The following ENPP2 variants were observed in gnomAD, a reference collection of about 807,000 sequenced individuals.
ENPP2 encodes the protein autotaxin.
In ENPP2, 51 loss-of-function variants were observed where a neutral mutation model predicts 120.2. The ratio of observed to expected loss-of-function variants is 0.42; its 90% confidence interval spans 0.34 to 0.54. ENPP2 has a LOEUF of 0.54. Among genes scored for constraint, ENPP2 ranks in the 20% least tolerant of loss-of-function variants. The pLI, the probability that ENPP2 is intolerant of heterozygous loss-of-function variation, is 0.04. For missense variants in ENPP2, 920 were observed against 1,066.5 expected, an observed-to-expected ratio of 0.86 and a Z score of 1.91; for synonymous variants, 365 against 366.4, an observed-to-expected ratio of 1.00 and a Z score of 0.04.
At chr8:119,582,350 G>A (rs1026195315) in intron 18 of ENPP2, 68 bp downstream of exon 18, 5 of 1,241,936 alleles carry the variant, frequency 4.0e-6, no homozygotes, top group Non-Finnish European at 5.8e-6. Context: ...GTCACAGAAA[G>A]TTCTATGGGC....
chr8:119,660,705 G>A (rs537437861), intron 1 of ENPP2, among the ~76,000 whole-genome samples: 2 of 152,282 alleles, frequency 1.3e-5, no homozygotes, highest in South Asian at 4.1e-4. Flanking sequence ...AGAGTTTTGA[G>A]CAGTTGTAGG....
chr8:119,599,732 G>T (rs2130543822), intron 11 of ENPP2, among the ~76,000 whole-genome samples: 1 of 152,308 alleles, frequency 6.6e-6, no homozygotes, highest in East Asian at 1.9e-4. Flanking sequence ...TCAGCTGGGT[G>T]TGGTGGCTCA....
At chr8:119,638,590 A>G (rs1817150100) in intron 1 of ENPP2, 63 bp from the exon 2 acceptor site, 2 of 1,108,236 alleles carry the variant, frequency 1.8e-6, no homozygotes, top group South Asian at 1.2e-5. Context: ...AAATTACACA[A>G]AGGTGATTCA....
intron 8 of ENPP2, among the ~76,000 whole-genome samples, chr8:119,614,208 G>A (rs1021470841): frequency 3.3e-5 from 5 of 151,624 alleles, no homozygotes; most frequent in Non-Finnish European, 7.4e-5. Context: ...TAGGATTACA[G>A]GTGCCTGCCA....
chr8:119,565,255 C>T (rs1814324265), intron 22 of ENPP2, among the ~76,000 whole-genome samples: 1 of 152,024 alleles, frequency 6.6e-6, no homozygotes, highest in Non-Finnish European at 1.5e-5. Context: ...GGTGGTGTTT[C>T]CCAGGCAGAA....
At chr8:119,592,396 C>A (rs1405579333) in intron 12 of ENPP2, among the ~76,000 whole-genome samples, 1 of 149,734 alleles carries the variant, frequency 6.7e-6, no homozygotes, top group Non-Finnish European at 1.5e-5. Flanking sequence ...TCACTTGAAC[C>A]CGGGAGGTGG....
At chr8:119,574,409 TC>T (rs1812192958) in intron 19 of ENPP2, among the ~76,000 whole-genome samples, 1 of 151,286 alleles carries the variant, frequency 6.6e-6, no homozygotes, top group Admixed American at 6.6e-5. Flanking sequence ...AACCTGGTCT[TC>T]CCAGGCTGAG....
chr8:119,582,283 A>G lies in ENPP2; in HGVS notation c.1728+135T>C. ...AATGAAATAAAAATTTGAGTTCCTC[A>G]GTCACACTAGCCAGTAGCTACCATT... On this transcript the variant is annotated intron_variant, in intron 18 of 24. Transcript: ENST00000075322. 11 of 651,764 alleles carry G rather than the reference A, an allele frequency of 1.7e-5. No individual in the cohort carries two copies. The South Asian group carries it at 2.1e-4, about 13-fold the overall frequency. The allele number at this position is 651,764 out of a possible 1,614,324, so 40.4% of individuals were successfully genotyped here. A position where few individuals can be genotyped will look rare whatever the true frequency, so the allele number is the denominator to read the frequency against.
At chr8:119,638,963 C>CT (rs1817175558), upstream of ENPP2, 1 of 686,596 alleles carries the variant, frequency 1.5e-6, no homozygotes, top group Non-Finnish European at 2.5e-6. Context: ...AGCTCTGAGC[C>CT]TAAGAGGCTT....
At chr8:119,568,533 C>T (rs1048004479) in intron 21 of ENPP2, among the ~76,000 whole-genome samples, 2 of 152,012 alleles carry the variant, frequency 1.3e-5, no homozygotes, top group Admixed American at 1.3e-4. Context: ...AAAATAACTC[C>T]TTGATTTCAT....
intron 9 of ENPP2, among the ~76,000 whole-genome samples, chr8:119,602,113 T>C (rs1814355789): frequency 6.6e-6 from 1 of 152,158 alleles, no homozygotes; most frequent in African/African-American, 2.4e-5. Flanking sequence ...CTCTATAAAA[T>C]AATGGGTTAG....
chr8:119,642,306 AT>A (rs1228718495), upstream of ENPP2, among the ~76,000 whole-genome samples: 1 of 152,144 alleles, frequency 6.6e-6, no homozygotes, highest in Non-Finnish European at 1.5e-5. Context: ...CTGCTCCAGA[AT>A]TTCTATTTGT....
intron 3 of ENPP2, among the ~76,000 whole-genome samples, chr8:119,623,769 G>C (rs549015108): frequency 2.6e-5 from 4 of 152,014 alleles, no homozygotes; most frequent in African/African-American, 9.6e-5. Flanking sequence ...GGGATTACAG[G>C]TGCCTCCCCC....
In ENPP2 at chr8:119,557,661, C is replaced by G; in HGVS notation, c.2452G>C (p.Glu818Gln). 6.3e-7 allele frequency: 1 copy of G among 1,587,788 alleles called. No individual in the cohort carries two copies. The highest frequency in any genetic ancestry group is 1.2e-5 in the South Asian group (1 of 86,044). ...CTAGCTGTGTGCATCTTCATGAGTTCTTCTACCCATTTTGATTCGTCCTCT... is the reference window on the plus strand; with the variant it reads ...CTAGCTGTGTGCATCTTCATGAGTTGTTCTACCCATTTTGATTCGTCCTCT... The part of the protein sequence containing the change: ...SSEDESKWVE[E>Q]LMKMHTARVR... The change falls in exon 25 of 25, where the codon GAA (glutamate) becomes CAA (glutamine). Residue 818 changes from glutamate (E) to glutamine (Q), a missense_variant. Transcript: ENST00000075322.
chr8:119,670,219 G>A (rs955472610), intron 1 of ENPP2, among the ~76,000 whole-genome samples: 3 of 152,212 alleles, frequency 2.0e-5, no homozygotes, highest in Admixed American at 6.5e-5. Context: ...GTTGAGATGT[G>A]AATTAGAGAG....
At chr8:119,646,420 T>A (rs1401890599) in intron 1 of ENPP2, among the ~76,000 whole-genome samples, 2 of 152,144 alleles carry the variant, frequency 1.3e-5, no homozygotes, top group African/African-American at 4.8e-5. Context: ...AATGAGAAAC[T>A]CTGGGTTAAA....
At chr8:119,586,793 T>C (rs1813144669) in intron 14 of ENPP2, among the ~76,000 whole-genome samples, 1 of 152,238 alleles carries the variant, frequency 6.6e-6, no homozygotes, top group Non-Finnish European at 1.5e-5. Context: ...CATGAATGAA[T>C]ACTTTTCAGT....
chr8:119,591,743 T>C (rs1435369549), intron 12 of ENPP2, among the ~76,000 whole-genome samples: 1 of 152,108 alleles, frequency 6.6e-6, no homozygotes, highest in Non-Finnish European at 1.5e-5. Context: ...TGGAATGAAA[T>C]GCAAGAAAAA....
chr8:119,632,753 T>C (rs879392121), intron 2 of ENPP2, among the ~76,000 whole-genome samples: 2 of 152,148 alleles, frequency 1.3e-5, no homozygotes, highest in Non-Finnish European at 2.9e-5. Flanking sequence ...TCTTACAATA[T>C]GTATAGAGAG....
Sources: allele counts gnomAD v4.1 joint callset (sites outside exome capture counted in the v4.1 genomes callset), GRCh38; gene constraint gnomAD v4.1.1; transcripts MANE v1.5; gene names NCBI Gene and HGNC (gene_info 2026-07-23, HGNC 2026-07-21).